The following CFAP221 variants were observed in gnomAD, a reference collection of about 807,000 sequenced individuals.
CFAP221 encodes the protein cilia and flagella associated protein 221, also known as cilia- and flagella-associated protein 221.
Under a neutral mutation model 113.1 loss-of-function variants are expected in CFAP221, and 97 were observed. That is an observed-to-expected ratio of 0.86 (90% CI 0.73 to 1.02). The LOEUF (loss-of-function observed/expected upper bound fraction) is 1.02. Among genes scored for constraint, CFAP221 ranks in the 50% least tolerant of loss-of-function variants. CFAP221 has a pLI of 0.00. For synonymous variants in CFAP221, 331 were observed against 354.4 expected (o/e 0.93, Z 0.74); for missense variants, 1,025 against 1,013.4 (o/e 1.01, Z -0.16).
downstream of CFAP221, chr2:119,660,116 G>T (rs1006253906): frequency 1.3e-5 from 2 of 152,160 alleles, no homozygotes; most frequent in Non-Finnish European, 2.9e-5. Context: ...GTCCATTTCA[G>T]TTTCCCCACC....
chr2:119,594,200 A>C (rs1341614428), intron 7 of CFAP221, among the ~76,000 whole-genome samples: 1 of 151,486 alleles, frequency 6.6e-6, no homozygotes, highest in Non-Finnish European at 1.5e-5. Context: ...TAAGACTCTG[A>C]TGAACTACTT....
chr2:119,627,680 G>A lies in CFAP221; in HGVS notation c.1544G>A (p.Arg515Lys), dbSNP rs779588904. 6.2e-7 allele frequency: 1 copy of A among 1,613,406 alleles called. No individual in the cohort carries two copies. The highest frequency in any genetic ancestry group is 2.2e-5 in the East Asian group (1 of 44,842). ...GCGAATTTCTTCAAATTCTTCCTGA[G>A]GCGGATCAGTCAGGATGATTATACC... ...QEANFFKFFL[R>K]RISQDDYTSR... The change falls in exon 16 of 24, where the codon AGG (arginine) becomes AAG (lysine). Residue 515 changes from arginine to lysine, a missense_variant. Coordinates refer to ENST00000413369, the MANE Select transcript of CFAP221 (RefSeq NM_001271049.2).
At chr2:119,630,277 C>G (rs1686675102) in intron 17 of CFAP221, among the ~76,000 whole-genome samples, 1 of 152,132 alleles carries the variant, frequency 6.6e-6, no homozygotes, top group Admixed American at 6.5e-5. Context: ...AGGTATATGA[C>G]CACTTCTGTT....
rs561922687 is a variant in CFAP221 at position 119,600,420 on chromosome 2, A to G, written c.632-798A>G. 5.9e-5 allele frequency among the ~76,000 whole-genome samples: 9 copies of G among 152,352 alleles called. No homozygotes were observed. In the South Asian group the frequency reaches 1.9e-3, roughly 32 times the overall value. On this transcript the variant is annotated intron_variant, in intron 7 of 23. Transcript: ENST00000413369. ...AGCTTTTCCTGTTGCTTACAGCATT[A>G]ATATTGACATCTGGTAATTTGCTTA...
chr2:119,634,222 C>T (rs1179391256), intron 19 of CFAP221, among the ~76,000 whole-genome samples: 1 of 152,212 alleles, frequency 6.6e-6, no homozygotes, highest in East Asian at 1.9e-4. Context: ...TGCCTGTACT[C>T]TTAACACTTT....
intron 12 of CFAP221, among the ~76,000 whole-genome samples, chr2:119,609,577 G>T (rs577657334): frequency 6.5e-4 from 99 of 151,972 alleles, no homozygotes; most frequent in Non-Finnish European, 1.3e-3. Context: ...CTGATATAAG[G>T]GCACCAGTCA....
intron 6 of CFAP221, chr2:119,580,134 A>G (rs1682744822): frequency 6.6e-6 from 1 of 152,200 alleles, no homozygotes; most frequent in African/African-American, 2.4e-5. Flanking sequence ...GGGCCTGAGC[A>G]CCTGTTAGCA....
intron 3 of CFAP221, among the ~76,000 whole-genome samples, chr2:119,555,213 G>T (rs542637281): frequency 3.7e-4 from 57 of 152,266 alleles, no homozygotes; most frequent in African/African-American, 1.3e-3. Flanking sequence ...TCTAGAAGGG[G>T]CTGAATTTCA....
intron 21 of CFAP221, among the ~76,000 whole-genome samples, chr2:119,641,423 T>C (rs1687481542): frequency 6.6e-6 from 1 of 152,068 alleles, no homozygotes; most frequent in Non-Finnish European, 1.5e-5. Flanking sequence ...ATTTCTAGAA[T>C]GTCAAATCTC....
At chr2:119,630,074 ACT>A in intron 17 of CFAP221, 119 bp downstream of exon 17, 5 of 834,406 alleles carry the variant, frequency 6.0e-6, no homozygotes, top group South Asian at 5.5e-5. Flanking sequence ...TGTGTGGCAC[ACT>A]CTACTGTTTT....
intron 6 of CFAP221, among the ~76,000 whole-genome samples, chr2:119,576,138 T>C (rs964206633): frequency 6.6e-6 from 1 of 152,228 alleles, no homozygotes; most frequent in Non-Finnish European, 1.5e-5. Context: ...TTCCACTCAC[T>C]TTTTTCTTTT....
chr2:119,627,033 C>T (rs374998648), intron 15 of CFAP221, among the ~76,000 whole-genome samples: 3 of 151,922 alleles, frequency 2.0e-5, no homozygotes, highest in East Asian at 1.9e-4. Flanking sequence ...AACACCATAT[C>T]GCCATCTTCT....
At chr2:119,562,462 T>C (rs1050795055) in intron 6 of CFAP221, among the ~76,000 whole-genome samples, 7 of 152,096 alleles carry the variant, frequency 4.6e-5, no homozygotes, top group African/African-American at 1.7e-4. Context: ...ACAGGTCCCC[T>C]TCATGGGGGC....
intron 14 of CFAP221, among the ~76,000 whole-genome samples, chr2:119,625,231 C>G (rs1686214605): frequency 6.6e-6 from 1 of 152,166 alleles, no homozygotes; most frequent in South Asian, 2.1e-4. Context: ...TCCTTCAACT[C>G]TGAAAATAGC....
intron 7 of CFAP221, among the ~76,000 whole-genome samples, chr2:119,590,436 G>A (rs1211794719): frequency 6.6e-6 from 1 of 152,120 alleles, no homozygotes; most frequent in Non-Finnish European, 1.5e-5. Flanking sequence ...CCATCCTCCA[G>A]CATGAGCACA....
chr2:119,580,451 A>G (rs760055077), intron 6 of CFAP221: 10 of 152,216 alleles, frequency 6.6e-5, no homozygotes, highest in Non-Finnish European at 1.2e-4. Flanking sequence ...AAGAGACATC[A>G]TAGCTAAGGA....
chr2:119,599,094 G>A (rs572071721), intron 7 of CFAP221, among the ~76,000 whole-genome samples: 1 of 152,290 alleles, frequency 6.6e-6, no homozygotes, highest in South Asian at 2.1e-4. Flanking sequence ...GTCTTTTGCT[G>A]ATTCCCTCCT....
In CFAP221 at chr2:119,604,932, G is replaced by A. The variant is rs1684630354; in HGVS notation, c.969G>A (p.Val323=). 1 of 1,614,024 alleles carries A rather than the reference G, an allele frequency of 6.2e-7. No homozygotes were observed. Among genetic ancestry groups the A allele is most frequent in the Non-Finnish European group, 8.5e-7 (1 of 1,180,004 alleles). The part of the protein sequence containing the change: ...FPVDLSNPFA[V]ATVLNQEPGK... ...TAGATTTATCGAATCCATTTGCTGT[G>A]GCAACTGTTTTAAACCAAGAACCAG... Residue 323 remains valine (V), a synonymous_variant, in exon 10 of 24, where the codon GTG becomes GTA. Coordinates refer to ENST00000413369, the MANE Select transcript of CFAP221 (RefSeq NM_001271049.2).
downstream of CFAP221, among the ~76,000 whole-genome samples, chr2:119,657,054 G>A (rs755761317): frequency 1.5e-4 from 23 of 152,168 alleles, no homozygotes; most frequent in Non-Finnish European, 2.5e-4. Flanking sequence ...CTGCAAGGGA[G>A]CCAGGAGTTC....
Sources: gnomAD v4.1 joint callset for allele counts (sites outside exome capture counted in the v4.1 genomes callset) on GRCh38, gnomAD v4.1.1 for gene constraint, MANE v1.5 for transcripts, NCBI Gene and HGNC (gene_info 2026-07-23, HGNC 2026-07-21) for gene names.